DTD1: variants seen among roughly 807,000 people sequenced by gnomAD.
DTD1 encodes D-tyrosyl-tRNA deacylase 1 homolog.
DTD1 carries 13 observed loss-of-function variants against 25.6 expected under a neutral mutation model. That is an observed-to-expected ratio of 0.51 (90% CI 0.33 to 0.81). The LOEUF is 0.81. Ranked by LOEUF, DTD1 falls within the 30% of genes least tolerant of loss-of-function variation. The pLI is 0.02. For missense variants in DTD1, 193 were observed against 266.4 expected, an observed-to-expected ratio of 0.72 and a Z score of 1.92; for synonymous variants, 110 against 103.6, an observed-to-expected ratio of 1.06 and a Z score of -0.37.
chr20:18,598,427 G>A (rs977886441), intron 3 of DTD1, among the ~76,000 whole-genome samples: 9 of 152,028 alleles, frequency 5.9e-5, no homozygotes, highest in Admixed American at 5.9e-4. Context: ...AAAAAGTGCT[G>A]CAATAAACAT....
intron 4 of DTD1, among the ~76,000 whole-genome samples, chr20:18,711,540 A>G (rs905862805): frequency 6.6e-6 from 1 of 150,908 alleles, no homozygotes; most frequent in African/African-American, 2.4e-5. Flanking sequence ...CTTCAATGTG[A>G]TGGTGTGAGG....
At chr20:18,599,171 T>A (rs1568640863) in intron 3 of DTD1, among the ~76,000 whole-genome samples, 1 of 152,170 alleles carries the variant, frequency 6.6e-6, no homozygotes, top group Non-Finnish European at 1.5e-5. Context: ...TGTTTTCTTA[T>A]TTTTTATGTA....
Position 18,588,159 on chromosome 20 carries a change from C to T in DTD1, c.43+44C>T, listed in dbSNP as rs576271425. 8.3e-5 allele frequency: 102 copies of T among 1,234,584 alleles called. 1 individual carries two copies. In the South Asian group the frequency reaches 3.2e-3, roughly 38 times the overall value. 76.5% of individuals were successfully genotyped at this position (1,234,584 alleles called of 1,614,324 possible). ...GGCCCGGGAGGAGCCGCCCCTGACC[C>T]CCGCGACCGGCTGTCTTGCGTGGGG... On this transcript the variant is annotated intron_variant, in intron 1 of 5. Transcript: ENST00000377452.
chr20:18,723,924 C>G (rs1051395487), intron 4 of DTD1, among the ~76,000 whole-genome samples: 1 of 152,190 alleles, frequency 6.6e-6, no homozygotes. Flanking sequence ...CTCAAGGGTT[C>G]AGACTCCTCC....
At chr20:18,672,854 A>G (rs1260436144) in intron 4 of DTD1, among the ~76,000 whole-genome samples, 1 of 152,124 alleles carries the variant, frequency 6.6e-6, no homozygotes, top group Non-Finnish European at 1.5e-5. Context: ...CTGTACCATT[A>G]TGGTTGTTTG....
intron 5 of DTD1, among the ~76,000 whole-genome samples, chr20:18,744,636 CAAA>C (rs796918448): frequency 1.8e-4 from 2 of 11,312 alleles, no homozygotes; most frequent in Admixed American, 5.0e-4. Flanking sequence ...GACTCCATCT[CAAA>C]AAAAAAAAAC....
intron 1 of DTD1, among the ~76,000 whole-genome samples, chr20:18,589,336 G>A (rs2060579742): frequency 6.6e-6 from 1 of 152,028 alleles, no homozygotes; most frequent in Non-Finnish European, 1.5e-5. Context: ...GGGCGACAGA[G>A]CGAGACTCTG....
intron 3 of DTD1, among the ~76,000 whole-genome samples, chr20:18,609,744 A>G (rs2060679211): frequency 6.6e-6 from 1 of 152,094 alleles, no homozygotes; most frequent in Non-Finnish European, 1.5e-5. Flanking sequence ...GAACATTCCC[A>G]CCTTAATTCA....
chr20:18,704,877 C>T (rs942477321), intron 4 of DTD1, among the ~76,000 whole-genome samples: 3 of 152,158 alleles, frequency 2.0e-5, no homozygotes, highest in African/African-American at 7.2e-5. Context: ...CGGAAGCATA[C>T]AGGTTCCTAT....
intron 3 of DTD1, among the ~76,000 whole-genome samples, chr20:18,619,247 C>T (rs1181189425): frequency 6.6e-6 from 1 of 152,074 alleles, no homozygotes; most frequent in Non-Finnish European, 1.5e-5. Flanking sequence ...GTCATTTGCC[C>T]CTTGACCTTG....
intron 5 of DTD1, among the ~76,000 whole-genome samples, chr20:18,760,922 G>A (rs574110697): frequency 6.6e-6 from 1 of 152,300 alleles, no homozygotes; most frequent in Non-Finnish European, 1.5e-5. Context: ...GCCTACTCAA[G>A]CCTCGGCAAT....
At chr20:18,743,277 G>A (rs998449516) in intron 4 of DTD1, among the ~76,000 whole-genome samples, 1 of 152,240 alleles carries the variant, frequency 6.6e-6, no homozygotes, top group African/African-American at 2.4e-5. Context: ...CAGCCTGCAA[G>A]CAAGTCAGCC....
At chr20:18,679,675 C>T (rs2060989207) in intron 4 of DTD1, among the ~76,000 whole-genome samples, 1 of 150,964 alleles carries the variant, frequency 6.6e-6, no homozygotes, top group Non-Finnish European at 1.5e-5. Flanking sequence ...GTTATTCCCT[C>T]ACTGCCAGAT....
intron 4 of DTD1, among the ~76,000 whole-genome samples, chr20:18,636,760 C>G (rs760920747): frequency 3.5e-4 from 53 of 152,280 alleles, no homozygotes; most frequent in Non-Finnish European, 6.8e-4. Context: ...TTGTCACATT[C>G]TCTGGAGGTC....
At position 18,766,319 on chromosome 20, in the gene DTD1, C is replaced by G. The variant is rs2061378662; in HGVS notation, c.*2979C>G. On this transcript the variant is annotated 3_prime_UTR_variant, in exon 6 of 6. Transcript: ENST00000377452. ...TGTCAGATTTTCTGCCGTTTTTCAG[C>G]CAGGCACTTTAAGAATTCTTAATTT... is the stretch of plus-strand genomic sequence containing the variant. 6.6e-6 allele frequency: 1 copy of G among 152,180 alleles called. No individual in the cohort carries two copies. 9.4% of individuals were successfully genotyped at this position (152,180 alleles called of 1,614,324 possible). A position where few individuals can be genotyped will look rare whatever the true frequency, so the allele number is the denominator to read the frequency against.
At chr20:18,729,597 A>G (rs560717190) in intron 4 of DTD1, among the ~76,000 whole-genome samples, 1 of 152,380 alleles carries the variant, frequency 6.6e-6, no homozygotes, top group South Asian at 2.1e-4. Context: ...AGCAAGTCAT[A>G]TATTAGAGCC....
chr20:18,748,616 A>G (rs1270114782), intron 5 of DTD1, among the ~76,000 whole-genome samples: 4 of 152,302 alleles, frequency 2.6e-5, no homozygotes, highest in African/African-American at 9.6e-5. Flanking sequence ...CACAGAACAT[A>G]CAGGAGAACA....
In DTD1 at chr20:18,766,293, T is replaced by G. The variant is rs892478541; in HGVS notation, c.*2953T>G. ...AGAGGCAATCTTTTCTATCTCTGGTTTGTCAGATTTTCTGCCGTTTTTCAG... is the reference window on the plus strand; with the variant it reads ...AGAGGCAATCTTTTCTATCTCTGGTGTGTCAGATTTTCTGCCGTTTTTCAG... On this transcript the variant is annotated 3_prime_UTR_variant, in exon 6 of 6. Coordinates refer to ENST00000377452, the MANE Select transcript of DTD1 (RefSeq NM_080820.6). The G allele has an allele frequency of 3.3e-5, 5 of 152,236 alleles. No individual in the cohort carries two copies. The highest frequency in any genetic ancestry group is 9.6e-5 in the African/African-American group (4 of 41,474). 9.4% of individuals were successfully genotyped at this position (152,236 alleles called of 1,614,324 possible). A position where few individuals can be genotyped will look rare whatever the true frequency, so the allele number is the denominator to read the frequency against.
intron 5 of DTD1, among the ~76,000 whole-genome samples, chr20:18,753,985 A>G (rs1347930597): frequency 1.3e-4 from 20 of 152,112 alleles, no homozygotes; most frequent in Non-Finnish European, 8.8e-5. Context: ...TGTTTTTTGC[A>G]TAGAACAGCC....
Sources: gnomAD v4.1 joint callset for allele counts (sites outside exome capture counted in the v4.1 genomes callset) on GRCh38, gnomAD v4.1.1 for gene constraint, MANE v1.5 for transcripts, NCBI Gene and HGNC (gene_info 2026-07-23, HGNC 2026-07-21) for gene names.